The following CCSER1 variants were observed in gnomAD, a reference collection of about 807,000 sequenced individuals.
CCSER1 encodes the protein coiled-coil serine rich protein 1.
Under a neutral mutation model 82.0 loss-of-function variants are expected in CCSER1, and 41 were observed. That is an observed-to-expected ratio of 0.50 (90% CI 0.39 to 0.65). The LOEUF (loss-of-function observed/expected upper bound fraction) is 0.65, where lower values mean the gene tolerates loss of function less well. Ranked by LOEUF, CCSER1 falls within the 30% of genes least tolerant of loss-of-function variation. The probability of loss-of-function intolerance (pLI) is 0.00; values close to 1 mark genes in which losing one functional copy is unlikely to be tolerated. For synonymous variants in CCSER1, 414 were observed against 383.9 expected (o/e 1.08, Z -0.92); for missense variants, 1,119 against 1,064.2 (o/e 1.05, Z -0.72).
intron 10 of CCSER1, among the ~76,000 whole-genome samples, chr4:91,555,262 T>C (rs1762346464): frequency 6.6e-6 from 1 of 151,126 alleles, no homozygotes; most frequent in East Asian, 1.9e-4. Flanking sequence ...CTTCTTCAAG[T>C]CACATTTTTC....
intron 5 of CCSER1, among the ~76,000 whole-genome samples, chr4:90,470,112 A>G (rs1764168823): frequency 6.6e-6 from 1 of 152,178 alleles, no homozygotes; most frequent in South Asian, 2.1e-4. Context: ...AAGTTGTTCC[A>G]TATTTAAGTA....
At chr4:91,154,251 G>T (rs931841815) in intron 10 of CCSER1, among the ~76,000 whole-genome samples, 3 of 151,988 alleles carry the variant, frequency 2.0e-5, no homozygotes. Flanking sequence ...CTTGCAGTTT[G>T]ATCTCAGACT....
chr4:90,298,963 A>G (rs895492806), intron 1 of CCSER1, among the ~76,000 whole-genome samples: 1 of 152,020 alleles, frequency 6.6e-6, no homozygotes, highest in African/African-American at 2.4e-5. Flanking sequence ...TTCTTTCTAA[A>G]TCTGACCAAA....
At chr4:91,071,346 TTAAA>T (rs1721412684) in intron 9 of CCSER1, among the ~76,000 whole-genome samples, 1 of 152,170 alleles carries the variant, frequency 6.6e-6, no homozygotes, top group South Asian at 2.1e-4. Context: ...GATTGTAATA[TTAAA>T]TAGAGTGGTA....
At position 90,166,526 on chromosome 4, in the gene CCSER1, AAATT is replaced by A. The variant is rs536975111; in HGVS notation, c.-42+38702_-42+38705del. On this transcript the variant is annotated intron_variant, in intron 1 of 10. Transcript: ENST00000509176. ...ATTATTAAAAGCTTATAGCATTTAA[AAATT>A]AATTAAGGGGAGAATAATTATCAGA... 3.2e-4 allele frequency among the ~76,000 whole-genome samples: 48 copies of A among 152,128 alleles called. No individual in the cohort carries two copies. In the South Asian group the frequency reaches 3.5e-3, roughly 11 times the overall value.
chr4:90,663,868 T>C (rs1367797697), intron 6 of CCSER1: 1 of 367,404 alleles, frequency 2.7e-6, no homozygotes, highest in Non-Finnish European at 5.7e-6. Flanking sequence ...GGATGAGTGT[T>C]TCCAATTCTA....
intron 3 of CCSER1, among the ~76,000 whole-genome samples, chr4:90,379,655 A>G (rs917035471): frequency 3.9e-5 from 6 of 152,204 alleles, no homozygotes; most frequent in Admixed American, 2.0e-4. Context: ...TATGACTGAA[A>G]TCTATAAAAT....
At chr4:90,986,429 A>G (rs1736583990) in intron 9 of CCSER1, among the ~76,000 whole-genome samples, 1 of 151,816 alleles carries the variant, frequency 6.6e-6, no homozygotes, top group Non-Finnish European at 1.5e-5. Context: ...TGAATTTAAA[A>G]CACCTGATTA....
At chr4:91,288,131 T>G (rs1743455103) in intron 10 of CCSER1, among the ~76,000 whole-genome samples, 3 of 145,872 alleles carry the variant, frequency 2.1e-5, no homozygotes, top group Non-Finnish European at 3.0e-5. Context: ...CACACTCATG[T>G]ATATATATAT....
At chr4:91,198,573 G>A (rs970789495) in intron 10 of CCSER1, among the ~76,000 whole-genome samples, 4 of 152,052 alleles carry the variant, frequency 2.6e-5, no homozygotes, top group South Asian at 2.1e-4. Flanking sequence ...GAGTAGTAAC[G>A]GGGATAGAAT....
chr4:90,860,276 G>C (rs1201568664), intron 8 of CCSER1, among the ~76,000 whole-genome samples: 3 of 151,422 alleles, frequency 2.0e-5, no homozygotes, highest in Non-Finnish European at 4.4e-5. Flanking sequence ...TATTCATTAG[G>C]AAAATGCAAA....
intron 1 of CCSER1, among the ~76,000 whole-genome samples, chr4:90,302,177 C>A (rs908097553): frequency 6.6e-5 from 10 of 152,102 alleles, no homozygotes; most frequent in Non-Finnish European, 1.3e-4. Flanking sequence ...TCTATAGGTA[C>A]AAATTGCGTA....
intron 10 of CCSER1, among the ~76,000 whole-genome samples, chr4:91,260,803 C>CA (rs995112410): frequency 1.3e-5 from 2 of 151,994 alleles, no homozygotes; most frequent in Non-Finnish European, 2.9e-5. Flanking sequence ...CTCAGTCGCC[C>CA]AGGCTAGCGT....
chr4:91,204,196 T>C (rs1448939139), intron 10 of CCSER1, among the ~76,000 whole-genome samples: 1 of 151,776 alleles, frequency 6.6e-6, no homozygotes, highest in Non-Finnish European at 1.5e-5. Context: ...CGGGGTGACT[T>C]AAAAAATAAG....
At chr4:90,354,070 A>G (rs1468966862) in intron 3 of CCSER1, among the ~76,000 whole-genome samples, 3 of 152,230 alleles carry the variant, frequency 2.0e-5, no homozygotes, top group Non-Finnish European at 4.4e-5. Flanking sequence ...ATAAACAGAT[A>G]AAGAATATGT....
intron 10 of CCSER1, among the ~76,000 whole-genome samples, chr4:91,258,844 A>G (rs1324423088): frequency 2.0e-5 from 3 of 152,164 alleles, no homozygotes; most frequent in Non-Finnish European, 4.4e-5. Context: ...TGAAGCAGAG[A>G]GAATTTAAGT....
chr4:91,155,079 T>C (rs371307894), intron 10 of CCSER1, among the ~76,000 whole-genome samples: 7 of 151,872 alleles, frequency 4.6e-5, no homozygotes, highest in African/African-American at 1.4e-4. Context: ...GAATATCCCA[T>C]AATTCTTTGG....
chr4:90,857,775 A>G (rs1368105837), intron 8 of CCSER1, among the ~76,000 whole-genome samples: 1 of 152,098 alleles, frequency 6.6e-6, no homozygotes, highest in African/African-American at 2.4e-5. Context: ...GATACAAGGT[A>G]GTAAATATGC....
At chr4:90,488,503 TAATATATTTC>T (rs1200139628) in intron 5 of CCSER1, among the ~76,000 whole-genome samples, 2 of 152,126 alleles carry the variant, frequency 1.3e-5, no homozygotes, top group Admixed American at 1.3e-4. Context: ...CTCTCTATTT[TAATATATTTC>T]AATCAAGAAA....
Sources: gnomAD v4.1 joint callset for allele counts (sites outside exome capture counted in the v4.1 genomes callset) on GRCh38, gnomAD v4.1.1 for gene constraint, MANE v1.5 for transcripts, NCBI Gene and HGNC (gene_info 2026-07-23, HGNC 2026-07-21) for gene names.